Variants in UBL3 observed in about 807,000 individuals in gnomAD.
UBL3 encodes the protein ubiquitin-like protein 3.
Under a neutral mutation model 18.4 loss-of-function variants are expected in UBL3, and 6 were observed. The ratio of observed to expected loss-of-function variants is 0.33; its 90% CI spans 0.18 to 0.64. The LOEUF is 0.64. Ranked by LOEUF, UBL3 falls within the 30% of genes least tolerant of loss-of-function variation. The pLI is 0.76. For synonymous variants in UBL3, 49 were observed against 46.6 expected (o/e 1.05, Z -0.21); for missense variants, 109 against 142.9 (o/e 0.76, Z 1.21).
intron 1 of UBL3, among the ~76,000 whole-genome samples, chr13:29,827,796 AT>A (rs1878663081): frequency 6.6e-6 from 1 of 152,130 alleles, no homozygotes; most frequent in Admixed American, 6.5e-5. Flanking sequence ...ACTATTTGGC[AT>A]GTTTTTGCAG....
At chr13:29,842,213 C>T (rs1477471544) in intron 1 of UBL3, among the ~76,000 whole-genome samples, 1 of 147,632 alleles carries the variant, frequency 6.8e-6, no homozygotes, top group African/African-American at 2.5e-5. Flanking sequence ...GCAATCTCAG[C>T]TCACTGCAAC....
At chr13:29,816,913 GACTGCTGCTATACCTA>G (rs1239269379) in intron 1 of UBL3, among the ~76,000 whole-genome samples, 4 of 152,124 alleles carry the variant, frequency 2.6e-5, no homozygotes, top group African/African-American at 9.7e-5. Flanking sequence ...CTAGGTAGCA[GACTGCTGCTATACCTA>G]ACTGCTAGGT....
intron 3 of UBL3, among the ~76,000 whole-genome samples, chr13:29,769,323 T>A (rs1876775989): frequency 6.6e-6 from 1 of 152,102 alleles, no homozygotes. Flanking sequence ...TTCTTCTCCA[T>A]CTGAATTTTA....
chr13:29,834,597 T>A (rs924567000), intron 1 of UBL3, among the ~76,000 whole-genome samples: 2 of 152,118 alleles, frequency 1.3e-5, no homozygotes, highest in African/African-American at 4.8e-5. Context: ...GGCTTAATGA[T>A]AAAAAAATGT....
At chr13:29,773,117 G>A (rs1876887344) in intron 2 of UBL3, among the ~76,000 whole-genome samples, 1 of 152,080 alleles carries the variant, frequency 6.6e-6, no homozygotes, top group Non-Finnish European at 1.5e-5. Flanking sequence ...AGAGATAATG[G>A]TTAACACAAA....
rs1445652293 is a variant in UBL3, at chr13:29,836,942, C to T, written c.27+12570G>A. Among the ~76,000 whole-genome samples the T allele has an allele frequency of 2.0e-5, 3 of 152,322 alleles. No homozygotes were observed. In the South Asian group the frequency reaches 6.2e-4, roughly 32 times the overall value. ...TCAGGACTTGCCAAGGAAGAGGTATCTTGGTAAACATGGCAAACTTTCAAC... is the reference window on the plus strand; with the variant it reads ...TCAGGACTTGCCAAGGAAGAGGTATTTTGGTAAACATGGCAAACTTTCAAC... On this transcript the variant is annotated intron_variant, in intron 1 of 4. Transcript: ENST00000380680.
chr13:29,835,132 ATATATATATATATATATAT>A (rs1878912120), intron 1 of UBL3, among the ~76,000 whole-genome samples: 2 of 5,954 alleles, frequency 3.4e-4, no homozygotes, highest in South Asian at 6.9e-3. Context: ...ATAAATATAT[ATATATATATATATATATAT>A]ATATATATAT....
rs374017998 is a variant in UBL3, at chr13:29,835,252, T to C, written c.27+14260A>G. ...TAACTGAATTACAAAGTGTGATACA[T>C]GCTCCAGAAGAAATCAATATGGTCT... On this transcript the variant is annotated intron_variant, in intron 1 of 4. Transcript: ENST00000380680. Among the ~76,000 whole-genome samples the C allele has an allele frequency of 1.1e-4, 16 of 141,420 alleles. No individual in the cohort carries two copies. In the East Asian group the frequency reaches 1.8e-3, roughly 16 times the overall value. 92.8% of individuals were successfully genotyped at this position (141,420 alleles called of 152,430 possible). A position where few individuals can be genotyped will look rare whatever the true frequency, so the allele number is the denominator to read the frequency against.
intron 1 of UBL3, among the ~76,000 whole-genome samples, chr13:29,783,271 A>G (rs1309717583): frequency 6.6e-6 from 1 of 152,258 alleles, no homozygotes; most frequent in Non-Finnish European, 1.5e-5. Context: ...TTTGAAAAGT[A>G]AAATTAATTC....
chr13:29,797,760 G>A (rs1877652601), intron 1 of UBL3, among the ~76,000 whole-genome samples: 1 of 152,098 alleles, frequency 6.6e-6, no homozygotes, highest in Non-Finnish European at 1.5e-5. Flanking sequence ...GAAAATGGCT[G>A]TCCCTGGTTT....
chr13:29,808,280 T>C (rs1468445364), intron 1 of UBL3, among the ~76,000 whole-genome samples: 1 of 152,212 alleles, frequency 6.6e-6, no homozygotes, highest in Non-Finnish European at 1.5e-5. Flanking sequence ...GCTCAGTGTA[T>C]ACTCAATGCA....
At chr13:29,768,448 A>G (rs1876748324) in intron 3 of UBL3, among the ~76,000 whole-genome samples, 1 of 152,050 alleles carries the variant, frequency 6.6e-6, no homozygotes, top group African/African-American at 2.4e-5. Context: ...CTGTTTCTAT[A>G]GTTGTTATGT....
Position 29,767,364 on chromosome 13 carries a change from T to G in UBL3, c.302-57A>C. ...AAAATTCTAGAACTGGAGGGGAAAATGGGCTAGGCAATCAAGTGTAGGAAG... is the reference window on the plus strand; with the variant it reads ...AAAATTCTAGAACTGGAGGGGAAAAGGGGCTAGGCAATCAAGTGTAGGAAG... On this transcript the variant is annotated intron_variant, in intron 4 of 4. Transcript: ENST00000380680. 8 of 1,599,784 alleles carry G rather than the reference T, an allele frequency of 5.0e-6. No homozygotes were observed. The South Asian group carries it at 6.6e-5, about 13-fold the overall frequency.
rs202149449 is a variant in UBL3 at position 29,837,619 on chromosome 13, T to C, written c.27+11893A>G. On this transcript the variant is annotated intron_variant, in intron 1 of 4. Coordinates refer to ENST00000380680, the MANE Select transcript of UBL3 (RefSeq NM_007106.4). Reference sequence around the variant, plus strand: ...CCAGGTGCCTATAATCCCAACACTTTGTAATCATGCCTGTAATCATGCCTG... The same window carrying C: ...CCAGGTGCCTATAATCCCAACACTTCGTAATCATGCCTGTAATCATGCCTG... Among the ~76,000 whole-genome samples, 5 of 152,182 alleles carry C rather than the reference T, an allele frequency of 3.3e-5. No individual in the cohort carries two copies. The East Asian group carries it at 7.7e-4, about 23-fold the overall frequency.
At chr13:29,817,704 C>T (rs1388271857) in intron 1 of UBL3, among the ~76,000 whole-genome samples, 1 of 152,038 alleles carries the variant, frequency 6.6e-6, no homozygotes, top group African/African-American at 2.4e-5. Flanking sequence ...AAGTGAAATA[C>T]GTACAAATTC....
At chr13:29,780,367 A>T (rs6144980) in intron 1 of UBL3, among the ~76,000 whole-genome samples, 10 of 103,310 alleles carry the variant, frequency 9.7e-5, no homozygotes, top group African/African-American at 3.2e-4. Context: ...AAAAAAAAAA[A>T]ATATATATAT....
chr13:29,795,279 C>A (rs1877579709), intron 1 of UBL3, among the ~76,000 whole-genome samples: 1 of 151,946 alleles, frequency 6.6e-6, no homozygotes, highest in South Asian at 2.1e-4. Flanking sequence ...TTGTTTGTAA[C>A]CTGGATTATA....
At chr13:29,835,787 T>C (rs1593675754) in intron 1 of UBL3, among the ~76,000 whole-genome samples, 1 of 145,538 alleles carries the variant, frequency 6.9e-6, no homozygotes, top group African/African-American at 2.6e-5. Context: ...AAAAAGTATA[T>C]TGATGAATAT....
rs1407672379 is a variant in UBL3 at position 29,835,105 on chromosome 13, TAA to T, written c.27+14405_27+14406del. Among the ~76,000 whole-genome samples the T allele has an allele frequency of 3.0e-3, 76 of 24,984 alleles. 3 individuals carry two copies. Among genetic ancestry groups the T allele is most frequent in the African/African-American group, 0.015 (39 of 2,556 alleles). The allele number at this position is 24,984 out of a possible 152,430, so 16.4% of individuals were successfully genotyped here. On this transcript the variant is annotated intron_variant, in intron 1 of 4. Transcript: ENST00000380680. ...ATAAATATAAATATATATATATATA[TAA>T]ATATATATATATATATAAATATATA...
Sources: gnomAD v4.1 joint callset for allele counts (sites outside exome capture counted in the v4.1 genomes callset) on GRCh38, gnomAD v4.1.1 for gene constraint, MANE v1.5 for transcripts, NCBI Gene and HGNC (gene_info 2026-07-23, HGNC 2026-07-21) for gene names.